Variants in GLRA2 observed in about 807,000 individuals in gnomAD.
GLRA2 encodes glycine receptor subunit alpha-2.
A neutral mutation model predicts 31.6 loss-of-function variants in GLRA2; 11 were observed. That is an observed-to-expected ratio of 0.35 (90% CI 0.22 to 0.58). The LOEUF is 0.58. Ranked by LOEUF, GLRA2 falls within the 20% of genes least tolerant of loss-of-function variation. GLRA2 has a pLI of 0.84. For synonymous variants in GLRA2, 132 were observed against 134.0 expected (o/e 0.99, Z 0.10); for missense variants, 212 against 351.8 (o/e 0.60, Z 3.18).
intron 7 of GLRA2, among the ~76,000 whole-genome samples, chrX:14,658,179 C>G (rs1326797931): frequency 9.0e-6 from 1 of 111,348 alleles, no homozygotes; most frequent in African/African-American, 3.3e-5. Flanking sequence ...ATGAAACTTT[C>G]TCTTACCTGC....
intron 8 of GLRA2, among the ~76,000 whole-genome samples, chrX:14,728,547 A>G (rs146129843): frequency 2.7e-5 from 3 of 112,121 alleles, no homozygotes; most frequent in Admixed American, 9.5e-5. Flanking sequence ...ATGACATGGA[A>G]TATTTGGCAA....
chrX:14,713,808 A>G (rs2091747162), intron 8 of GLRA2, among the ~76,000 whole-genome samples: 1 of 111,350 alleles, frequency 9.0e-6, no homozygotes, highest in South Asian at 3.8e-4. Context: ...TGAGAGGTAA[A>G]GGGGATGTTA....
At chrX:14,577,594 T>C (rs2089970849) in intron 3 of GLRA2, among the ~76,000 whole-genome samples, 1 of 112,132 alleles carries the variant, frequency 8.9e-6, no homozygotes, top group Non-Finnish European at 1.9e-5. Context: ...ATGAGAACTC[T>C]ATTTGGGTTA....
At chrX:14,673,864 G>C (rs977116383) in intron 7 of GLRA2, among the ~76,000 whole-genome samples, 2 of 112,250 alleles carry the variant, frequency 1.8e-5, no homozygotes, top group East Asian at 2.8e-4. Context: ...GTCCATGGCT[G>C]CAGGTGTGAC....
chrX:14,509,617 G>A, the GLRA2 span, among the ~76,000 whole-genome samples: 34 of 112,103 alleles, frequency 3.0e-4, no homozygotes, highest in African/African-American at 1.1e-3. Context: ...AAAAGTTGAG[G>A]CCAAGAGAAA....
At chrX:14,658,459 G>A (rs1301889018) in intron 7 of GLRA2, among the ~76,000 whole-genome samples, 3 of 111,350 alleles carry the variant, frequency 2.7e-5, no homozygotes, top group Admixed American at 1.9e-4. Context: ...CTCTCCCTTT[G>A]TCCTCATCCT....
At chrX:14,535,882 A>G (rs2089317058) in intron 2 of GLRA2, among the ~76,000 whole-genome samples, 1 of 112,611 alleles carries the variant, frequency 8.9e-6, no homozygotes, top group Non-Finnish European at 1.9e-5. Flanking sequence ...AAAATGCATT[A>G]GTTCCATTTC....
Position 14,730,225 on chromosome X carries a change from G to A in GLRA2, c.1099G>A (p.Glu367Lys). Residue 367 changes from glutamate to lysine, a missense_variant, in exon 9 of 9, where the codon GAA becomes AAA. Transcript: ENST00000218075. ...RQNKEEDVTR[E>K]SRFNFSGYGM... The stretch of plus-strand genomic sequence containing the variant: ...CCGTCAGGAAGAAGACGTTACTCGT[G>A]AAAGTCGTTTTAATTTTAGCGGTTA... 8.3e-7 allele frequency: 1 copy of A among 1,203,349 alleles called. No individual in the cohort carries two copies. The highest frequency in any genetic ancestry group is 1.1e-6 in the Non-Finnish European group (1 of 888,235).
chrX:14,554,418 G>T (rs893457454), intron 2 of GLRA2, among the ~76,000 whole-genome samples: 3 of 111,379 alleles, frequency 2.7e-5, no homozygotes, highest in Non-Finnish European at 5.7e-5. Flanking sequence ...GAGAGCTTAG[G>T]TACTATTCGT....
the GLRA2 span, among the ~76,000 whole-genome samples, chrX:14,485,749 T>C: frequency 8.9e-6 from 1 of 111,741 alleles, no homozygotes. Flanking sequence ...GATTGTTGCA[T>C]TGGCCTCGTA....
chrX:14,711,317 C>T (rs1410036597), intron 8 of GLRA2, among the ~76,000 whole-genome samples: 2 of 112,295 alleles, frequency 1.8e-5, no homozygotes, highest in Non-Finnish European at 3.8e-5. Flanking sequence ...TATCCAGTGA[C>T]CCAGGGACAA....
intron 7 of GLRA2, among the ~76,000 whole-genome samples, chrX:14,650,788 T>C (rs1246498314): frequency 8.9e-6 from 1 of 111,946 alleles, no homozygotes; most frequent in Non-Finnish European, 1.9e-5. Context: ...CATTTGCCTG[T>C]ATTTATAAGG....
intron 8 of GLRA2, among the ~76,000 whole-genome samples, chrX:14,711,447 C>T (rs748914131): frequency 1.8e-5 from 2 of 111,885 alleles, no homozygotes; most frequent in Non-Finnish European, 3.8e-5. Flanking sequence ...AGAGCTGAGG[C>T]GGTGTGGGCC....
At chrX:14,589,496 A>T (rs746063953) in intron 4 of GLRA2, among the ~76,000 whole-genome samples, 64 of 18,648 alleles carry the variant, frequency 3.4e-3, no homozygotes, top group African/African-American at 0.019. Flanking sequence ...CATCTGTACT[A>T]AAAAAAAAAA....
the GLRA2 span, among the ~76,000 whole-genome samples, chrX:14,492,509 T>C: frequency 8.9e-6 from 1 of 111,928 alleles, no homozygotes; most frequent in Non-Finnish European, 1.9e-5. Context: ...AAAAGTATAT[T>C]CAACCTCATT....
rs144060372 is a variant in GLRA2 at position 14,571,185 on chromosome X, T to C, written c.203-3148T>C. ...GTCAGATTCTCATTCAACTCATTTT[T>C]GAATATCATCACTTTGCTGATAAAT... On this transcript the variant is annotated intron_variant, in intron 2 of 8. Transcript: ENST00000218075. 4.5e-3 allele frequency among the ~76,000 whole-genome samples: 501 copies of C among 112,262 alleles called. 6 individuals are homozygous for C. Among genetic ancestry groups the C allele is most frequent in the African/African-American group, 0.015 (456 of 30,954 alleles).
chrX:14,530,885 G>A (rs922360092), intron 1 of GLRA2: 26 of 701,261 alleles, frequency 3.7e-5, no homozygotes, highest in Non-Finnish European at 4.6e-5. Context: ...GAGAGTGGAA[G>A]ACTGAGCAGA....
intron 2 of GLRA2, among the ~76,000 whole-genome samples, chrX:14,567,629 C>G (rs1031931019): frequency 8.9e-6 from 1 of 111,984 alleles, no homozygotes; most frequent in Non-Finnish European, 1.9e-5. Context: ...GAAGTTTTAT[C>G]CAGAGCAATT....
At chrX:14,463,575 T>C in the GLRA2 span, among the ~76,000 whole-genome samples, 3 of 110,953 alleles carry the variant, frequency 2.7e-5, no homozygotes, top group Non-Finnish European at 5.7e-5. Flanking sequence ...GCCTCAGCAA[T>C]GGTGGATGCC....
Sources: allele counts gnomAD v4.1 joint callset (sites outside exome capture counted in the v4.1 genomes callset), GRCh38; gene constraint gnomAD v4.1.1; transcripts MANE v1.5; gene names NCBI Gene and HGNC (gene_info 2026-07-23, HGNC 2026-07-21).